BRD3: variants seen among roughly 807,000 people sequenced by gnomAD.
BRD3 encodes bromodomain containing 3.
Under a neutral mutation model 66.8 loss-of-function variants are expected in BRD3, and 17 were observed. The ratio of observed to expected loss-of-function variants is 0.25; its 90% CI spans 0.17 to 0.38. The LOEUF (loss-of-function observed/expected upper bound fraction) is 0.38, where lower values mean the gene tolerates loss of function less well. BRD3 is among the 10% of genes least tolerant of loss of function. The pLI is 1.00. For missense variants in BRD3, 713 were observed against 956.1 expected (o/e 0.75, Z 3.35); for synonymous variants, 421 against 393.2 (o/e 1.07, Z -0.84).
At chr9:134,055,336 T>C (rs1830395993) in intron 1 of BRD3, among the ~76,000 whole-genome samples, 1 of 151,992 alleles carries the variant, frequency 6.6e-6, no homozygotes, top group Non-Finnish European at 1.5e-5. Flanking sequence ...CCCACCCTGG[T>C]TGGTGGGGCC....
chr9:134,052,660 G>A (rs1044821902), intron 2 of BRD3, among the ~76,000 whole-genome samples: 1 of 152,154 alleles, frequency 6.6e-6, no homozygotes, highest in African/African-American at 2.4e-5. Context: ...AGCATGTGCA[G>A]AGAGGAGCCC....
rs113371230 is a variant in BRD3 at position 134,036,362 on chromosome 9, C to T, written c.1644-38G>A. On this transcript the variant is annotated intron_variant, in intron 9 of 11. Coordinates refer to ENST00000303407, the MANE Select transcript of BRD3 (RefSeq NM_007371.4). ...ACAGAGCAACGTGGTGTTGAGTCTC[C>T]GTCTACCTGCCGTGGGAGCCCACTG... 3.8e-5 allele frequency: 60 copies of T among 1,570,248 alleles called. 1 individual carries two copies. In the African/African-American group the frequency reaches 4.9e-4, roughly 13 times the overall value.
chr9:134,047,959 T>C, intron 6 of BRD3, 124 bp downstream of exon 6: 5 of 1,318,866 alleles, frequency 3.8e-6, no homozygotes, highest in Non-Finnish European at 5.0e-6. Flanking sequence ...GCCTGGAGGG[T>C]GCGCTTCTCC....
chr9:134,052,580 G>T, intron 2 of BRD3, 137 bp from the exon 3 acceptor site: 1 of 947,842 alleles, frequency 1.1e-6, no homozygotes, highest in Non-Finnish European at 1.6e-6. Flanking sequence ...GGTCTCTGAA[G>T]GCAGTGGGCT....
chr9:134,051,494 T>C, intron 4 of BRD3, 68 bp downstream of exon 4: 1 of 1,429,882 alleles, frequency 7.0e-7, no homozygotes, highest in Non-Finnish European at 9.1e-7. Flanking sequence ...AAGGATCGCG[T>C]CCCAGCCCAT....
At chr9:134,058,610 C>T (rs1431909505) in intron 1 of BRD3, 1 of 152,284 alleles carries the variant, frequency 6.6e-6, no homozygotes, top group Non-Finnish European at 1.5e-5. Context: ...GAAAGCCAAA[C>T]CAGCAAGGGA....
intron 5 of BRD3, among the ~76,000 whole-genome samples, chr9:134,048,776 T>C (rs1334988382): frequency 6.6e-6 from 1 of 152,150 alleles, no homozygotes; most frequent in East Asian, 1.9e-4. Context: ...CCCCAAGCCA[T>C]GTGAGGTGCT....
At chr9:134,041,714 A>G (rs1262598337) in intron 8 of BRD3, 46 bp downstream of exon 8, 1 of 1,586,130 alleles carries the variant, frequency 6.3e-7, no homozygotes, top group Non-Finnish European at 8.5e-7. Flanking sequence ...TGTGCCAGCA[A>G]TCCCGCCTCA....
chr9:134,041,709 C>T, intron 8 of BRD3, 51 bp downstream of exon 8: 3 of 1,580,478 alleles, frequency 1.9e-6, no homozygotes, highest in Non-Finnish European at 2.6e-6. Flanking sequence ...GCTGCTGTGC[C>T]AGCAATCCCG....
chr9:134,040,417 T>C, intron 8 of BRD3, 148 bp from the exon 9 acceptor site: 1 of 876,712 alleles, frequency 1.1e-6, no homozygotes, highest in East Asian at 2.7e-5. Flanking sequence ...TGGGCCCTGC[T>C]CTGCCCCTCA....
At chr9:134,034,176 C>A (rs1167974968) in intron 11 of BRD3, among the ~76,000 whole-genome samples, 1 of 152,182 alleles carries the variant, frequency 6.6e-6, no homozygotes, top group Admixed American at 6.5e-5. Flanking sequence ...ACCCTACTGT[C>A]CCCCCCATAT....
At chr9:134,042,042 G>A in intron 7 of BRD3, 91 bp from the exon 8 acceptor site, 6 of 1,360,682 alleles carry the variant, frequency 4.4e-6, no homozygotes, top group Non-Finnish European at 5.9e-6. Flanking sequence ...GTGCCCCTGA[G>A]GCAGCACCCA....
chr9:134,058,767 C>A (rs1216051507), intron 1 of BRD3: 2 of 152,284 alleles, frequency 1.3e-5, no homozygotes, highest in African/African-American at 4.8e-5. Context: ...TAAAGGGGGG[C>A]CAGATTTTGC....
Position 134,051,607 on chromosome 9 carries a change from G to T in BRD3, c.454C>A (p.Pro152Thr). 6.3e-7 allele frequency: 1 copy of T among 1,582,048 alleles called. No homozygotes were observed. ...GCCGGCTTCCGACCTTTGCCCTTTG[G>T]AGCAGGGGGTAATAATTCAACTTCC... is the stretch of plus-strand genomic sequence containing the variant. ...QEEVELLPPAPKGKGRKPAAG... is the reference protein window; with the variant it reads ...QEEVELLPPATKGKGRKPAAG... Residue 152 changes from proline (P) to threonine (T), a missense_variant, in exon 4 of 12, where the codon CCA becomes ACA. Coordinates refer to ENST00000303407, the MANE Select transcript of BRD3 (RefSeq NM_007371.4).
In BRD3 at chr9:134,033,433, C is replaced by T; in HGVS notation, c.*157G>A. Reference sequence around the variant, plus strand: ...TCTAACGCACACACAAGATAGATCTCTGACCTATGAAAGCAAAAACTGGAA... The same window carrying T: ...TCTAACGCACACACAAGATAGATCTTTGACCTATGAAAGCAAAAACTGGAA... On this transcript the variant is annotated 3_prime_UTR_variant, in exon 12 of 12. Coordinates refer to ENST00000303407, the MANE Select transcript of BRD3 (RefSeq NM_007371.4). The surrounding 1 kb of genome is among the most constrained non-coding windows in gnomAD (Gnocchi z 5.1). The T allele has an allele frequency of 1.7e-6, 1 of 581,300 alleles. No individual in the cohort carries two copies. Among genetic ancestry groups the T allele is most frequent in the Non-Finnish European group, 3.1e-6 (1 of 323,008 alleles). 36.0% of individuals were successfully genotyped at this position (581,300 alleles called of 1,614,324 possible).
At chr9:134,065,964 G>T (rs986421431) in intron 1 of BRD3, among the ~76,000 whole-genome samples, 6 of 152,182 alleles carry the variant, frequency 3.9e-5, no homozygotes, top group Admixed American at 1.3e-4. Context: ...CGGAGTGTAG[G>T]GCAGGCACTG....
chr9:134,051,214 G>T (rs1830286625), intron 4 of BRD3, among the ~76,000 whole-genome samples: 1 of 152,234 alleles, frequency 6.6e-6, no homozygotes, highest in Admixed American at 6.5e-5. Flanking sequence ...GCCCCAGGAG[G>T]GGAACAGGCC....
At chr9:134,052,600 T>C (rs1424275144) in intron 2 of BRD3, among the ~76,000 whole-genome samples, 157 bp from the exon 3 acceptor site, 3 of 152,156 alleles carry the variant, frequency 2.0e-5, no homozygotes, top group Admixed American at 6.5e-5. Context: ...TATGGTGACG[T>C]GAGTACTTGG....
rs536791456 is a variant in BRD3 at position 134,030,838 on chromosome 9, GTCAT to G, written c.*2748_*2751del. The G allele has an allele frequency of 3.4e-5, 8 of 232,472 alleles. No homozygotes were observed. In the South Asian group the frequency reaches 1.3e-3, roughly 37 times the overall value. The allele number at this position is 232,472 out of a possible 1,614,324, so 14.4% of individuals were successfully genotyped here. On this transcript the variant is annotated 3_prime_UTR_variant, in exon 12 of 12. Coordinates refer to ENST00000303407, the MANE Select transcript of BRD3 (RefSeq NM_007371.4). Reference sequence around the variant, plus strand: ...AAGCCTGCCCCCTCGGCCTCCAGGGGTCATTCAGAGTGTTCTCAAATCCAATTCC... The same window carrying G: ...AAGCCTGCCCCCTCGGCCTCCAGGGGTCAGAGTGTTCTCAAATCCAATTCC...
Sources: allele counts gnomAD v4.1 joint callset (sites outside exome capture counted in the v4.1 genomes callset), GRCh38; gene constraint gnomAD v4.1.1; non-coding constraint Gnocchi (gnomAD v3.1); transcripts MANE v1.5; gene names NCBI Gene and HGNC (gene_info 2026-07-23, HGNC 2026-07-21).